The following CSMD1 variants were observed in gnomAD, a reference collection of about 807,000 sequenced individuals.
CSMD1 encodes CUB and Sushi multiple domains 1, also known as CUB and sushi domain-containing protein 1.
In CSMD1, 213 loss-of-function variants were observed where a neutral mutation model predicts 417.5. That is an observed-to-expected ratio of 0.51 (90% CI 0.46 to 0.57). The LOEUF is 0.57. CSMD1 is among the 20% of genes least tolerant of loss of function. The pLI, the probability that CSMD1 is intolerant of heterozygous loss-of-function variation, is 0.00. For missense variants in CSMD1, 6,923 were observed against 4,529.7 expected (o/e 1.53, Z -15.17); for synonymous variants, 2,862 against 1,736.8 (o/e 1.65, Z -16.11).
chr8:3,881,285 T>C (rs985935234), intron 5 of CSMD1, among the ~76,000 whole-genome samples: 1 of 149,812 alleles, frequency 6.7e-6, no homozygotes, highest in Non-Finnish European at 1.5e-5. Flanking sequence ...CACTAATTCA[T>C]AAGCCAATTC....
intron 23 of CSMD1, among the ~76,000 whole-genome samples, chr8:3,316,261 G>T (rs1164060654): frequency 2.0e-5 from 3 of 152,234 alleles, no homozygotes; most frequent in African/African-American, 7.2e-5. Flanking sequence ...CATGTGCCCT[G>T]TGCCCCATGA....
At chr8:4,043,475 G>T (rs1029623364) in intron 3 of CSMD1, among the ~76,000 whole-genome samples, 2 of 152,122 alleles carry the variant, frequency 1.3e-5, no homozygotes, top group East Asian at 3.9e-4. Context: ...CCAGTGTTAT[G>T]TTGTCTTCAA....
chr8:4,517,142 A>T (rs932449357), intron 2 of CSMD1, among the ~76,000 whole-genome samples: 9 of 152,228 alleles, frequency 5.9e-5, no homozygotes, highest in African/African-American at 2.2e-4. Flanking sequence ...GGAAAACATG[A>T]TTATAAGTAC....
At chr8:4,135,464 A>G (rs1269834382) in intron 3 of CSMD1, among the ~76,000 whole-genome samples, 1 of 152,126 alleles carries the variant, frequency 6.6e-6, no homozygotes, top group Non-Finnish European at 1.5e-5. Flanking sequence ...AGCAAAATGA[A>G]TATAACTTAC....
chr8:4,313,930 C>G (rs1798772995), intron 3 of CSMD1, among the ~76,000 whole-genome samples: 1 of 151,982 alleles, frequency 6.6e-6, no homozygotes, highest in Non-Finnish European at 1.5e-5. Context: ...AGGAGAGTCA[C>G]TTGAACCTGG....
intron 1 of CSMD1, among the ~76,000 whole-genome samples, chr8:4,985,909 C>T (rs1811154939): frequency 6.6e-6 from 1 of 152,164 alleles, no homozygotes; most frequent in Admixed American, 6.6e-5. Context: ...AATTGCAAGA[C>T]ATTTGGAGTG....
chr8:4,219,407 C>G (rs921441713), intron 3 of CSMD1, among the ~76,000 whole-genome samples: 2 of 152,316 alleles, frequency 1.3e-5, no homozygotes, highest in South Asian at 4.1e-4. Flanking sequence ...AAATTAATTA[C>G]AGAGCCTCCA....
chr8:4,065,751 A>C (rs1203345376), intron 3 of CSMD1, among the ~76,000 whole-genome samples: 1 of 152,222 alleles, frequency 6.6e-6, no homozygotes, highest in Non-Finnish European at 1.5e-5. Context: ...CAAACACATA[A>C]ATGCTAAATA....
chr8:4,321,392 G>C (rs572005830), intron 3 of CSMD1, among the ~76,000 whole-genome samples: 20 of 152,162 alleles, frequency 1.3e-4, no homozygotes, highest in African/African-American at 4.6e-4. Flanking sequence ...AATCAGAAGA[G>C]TTTTTTTCAT....
intron 3 of CSMD1, among the ~76,000 whole-genome samples, chr8:4,270,296 C>A (rs1804506027): frequency 6.6e-6 from 1 of 152,086 alleles, no homozygotes; most frequent in African/African-American, 2.4e-5. Flanking sequence ...TACCTTCTTC[C>A]CAGTCTTTAT....
At chr8:3,834,598 A>T (rs1246942742) in intron 5 of CSMD1, among the ~76,000 whole-genome samples, 1 of 152,208 alleles carries the variant, frequency 6.6e-6, no homozygotes, top group Non-Finnish European at 1.5e-5. Flanking sequence ...AATGTAACAA[A>T]TGTGAAGGTA....
intron 8 of CSMD1, among the ~76,000 whole-genome samples, chr8:3,611,148 G>A (rs1222247877): frequency 2.0e-5 from 3 of 151,216 alleles, no homozygotes; most frequent in Non-Finnish European, 4.4e-5. Flanking sequence ...CGAGTTAATG[G>A]CTGCAGCACA....
chr8:4,163,007 G>A (rs1797257915), intron 3 of CSMD1, among the ~76,000 whole-genome samples: 1 of 152,104 alleles, frequency 6.6e-6, no homozygotes, highest in Non-Finnish European at 1.5e-5. Context: ...TTTTCAGACT[G>A]ACTTCTTTCA....
intron 12 of CSMD1, among the ~76,000 whole-genome samples, chr8:3,418,827 G>C (rs1366664648): frequency 6.6e-6 from 1 of 152,148 alleles, no homozygotes; most frequent in Non-Finnish European, 1.5e-5. Flanking sequence ...TCATTTTAAA[G>C]GATAGAATTT....
At chr8:3,292,672 T>G (rs139736937) in intron 25 of CSMD1, among the ~76,000 whole-genome samples, 3,330 of 152,294 alleles carry the variant, frequency 0.022, 125 homozygotes, top group African/African-American at 0.075. Context: ...TGTTTTCCAT[T>G]TGCTTGGTAG....
chr8:4,934,451 G>C (rs1807463624), intron 1 of CSMD1, among the ~76,000 whole-genome samples: 1 of 152,102 alleles, frequency 6.6e-6, no homozygotes. Context: ...CCTCTAGCTT[G>C]TATTCACATC....
At chr8:3,906,249 A>C (rs1808101377) in intron 5 of CSMD1, among the ~76,000 whole-genome samples, 1 of 152,140 alleles carries the variant, frequency 6.6e-6, no homozygotes, top group Admixed American at 6.6e-5. Context: ...GCATTGCATT[A>C]AGTTACAATG....
intron 46 of CSMD1, 89 bp from the exon 47 acceptor site, chr8:3,097,126 A>G (rs1231720257): frequency 5.5e-5 from 61 of 1,100,966 alleles, no homozygotes; most frequent in Non-Finnish European, 4.1e-5. Context: ...AAACAAGTCA[A>G]TGAAAGGAAA....
chr8:4,571,184 G>C lies in CSMD1; in HGVS notation c.302+66158C>G, dbSNP rs138734691. Among the ~76,000 whole-genome samples, 558 of 152,062 alleles carry C rather than the reference G, an allele frequency of 3.7e-3. 2 individuals carry two copies. Among genetic ancestry groups the C allele is most frequent in the African/African-American group, 0.013 (527 of 41,504 alleles). On this transcript the variant is annotated intron_variant, in intron 2 of 69. Coordinates refer to ENST00000635120, the MANE Select transcript of CSMD1 (RefSeq NM_033225.6). ...CTTAGTTATTTCTTGTCTTCTGCTA[G>C]GTTTGAATTTGTTTGCTCTTGCTTC... is the stretch of plus-strand genomic sequence containing the variant.
Sources: gnomAD v4.1 joint callset for allele counts (sites outside exome capture counted in the v4.1 genomes callset) on GRCh38, gnomAD v4.1.1 for gene constraint, MANE v1.5 for transcripts, NCBI Gene and HGNC (gene_info 2026-07-23, HGNC 2026-07-21) for gene names.